Variants in EPHB6 observed in about 807,000 individuals in gnomAD.
The protein encoded by EPHB6 is EPH receptor B6, also known as ephrin type-B receptor 6.
In EPHB6, 51 loss-of-function variants were observed where a neutral mutation model predicts 107.0. The observed-to-expected ratio is 0.48, with a 90% CI of 0.38 to 0.60. The LOEUF (loss-of-function observed/expected upper bound fraction) is 0.60, where lower values mean the gene tolerates loss of function less well. Ranked by LOEUF, EPHB6 falls within the 20% of genes least tolerant of loss-of-function variation. The pLI, the probability that EPHB6 is intolerant of heterozygous loss-of-function variation, is 0.00. For missense variants in EPHB6, 1,141 were observed against 1,355.5 expected, an observed-to-expected ratio of 0.84 and a Z score of 2.48; for synonymous variants, 553 against 549.0, an observed-to-expected ratio of 1.01 and a Z score of -0.10.
Position 142,862,012 on chromosome 7 carries a change from C to G in EPHB6, c.-296-5C>G, listed in dbSNP as rs1802862034. 6.6e-6 allele frequency: 1 copy of G among 152,246 alleles called. No individual in the cohort carries two copies. The highest frequency in any genetic ancestry group is 1.5e-5 in the Non-Finnish European group (1 of 68,054). 9.4% of individuals were successfully genotyped at this position (152,246 alleles called of 1,614,324 possible). ...TTATACACAATAGAAATATCTTTCT[C>G]ACAGTCTAGATGCTGGGAAGTCCAA... On this transcript the variant is annotated splice_polypyrimidine_tract_variant and splice_region_variant and intron_variant, in intron 2 of 19. Transcript: ENST00000652003.
chr7:142,863,603 A>G, intron 5 of EPHB6, 28 bp from the exon 6 acceptor site: 1 of 1,612,494 alleles, frequency 6.2e-7, no homozygotes. Context: ...AGGCTTGGCC[A>G]CTGTGTGCCC....
In EPHB6 at chr7:142,869,155, C is replaced by T. The variant is rs770931408; in HGVS notation, c.2460+8C>T. 11 of 1,610,870 alleles carry T rather than the reference C, an allele frequency of 6.8e-6. No individual in the cohort carries two copies. In the African/African-American group the frequency reaches 1.2e-4, roughly 18 times the overall value. ...CTTGGCCACAGTCCTCAGGTGAGAG[C>T]ACAGCCTTGGGGACACAGCCTGGGG... On this transcript the variant is annotated splice_region_variant and intron_variant, in intron 16 of 19. Coordinates refer to ENST00000652003, the MANE Select transcript of EPHB6 (RefSeq NM_004445.6). This position sits in a 1 kb window ranked among gnomAD's most constrained non-coding sequence, Gnocchi z 4.5.
intron 1 of EPHB6, among the ~76,000 whole-genome samples, chr7:142,856,454 T>G (rs1802617048): frequency 6.6e-6 from 1 of 152,074 alleles, no homozygotes; most frequent in South Asian, 2.1e-4. Context: ...TGCAAAAAGA[T>G]GGTTGGCAAT....
In EPHB6 at chr7:142,869,985, A is replaced by G; in HGVS notation, c.2610+19A>G. ...GCAGGAGGTGAGCACTGACCTAGAC[A>G]CTGCTGATTTCCCACCCCGATCCCT... On this transcript the variant is annotated intron_variant, in intron 17 of 19. Coordinates refer to ENST00000652003, the MANE Select transcript of EPHB6 (RefSeq NM_004445.6). This position sits in a 1 kb window ranked among gnomAD's most constrained non-coding sequence, Gnocchi z 4.5. The G allele has an allele frequency of 6.2e-7, 1 of 1,614,062 alleles. No homozygotes were observed. The highest frequency in any genetic ancestry group is 8.5e-7 in the Non-Finnish European group (1 of 1,180,000).
At chr7:142,863,431 A>G in intron 5 of EPHB6, 104 bp downstream of exon 5, 1 of 1,275,608 alleles carries the variant, frequency 7.8e-7, no homozygotes, top group South Asian at 1.2e-5. Context: ...GAAGACATCA[A>G]TAAAGGGAAA....
chr7:142,869,153 A>C lies in EPHB6; in HGVS notation c.2460+6A>C. 1 of 1,611,916 alleles carries C rather than the reference A, an allele frequency of 6.2e-7. No individual in the cohort carries two copies. On this transcript the variant is annotated splice_donor_region_variant and intron_variant, in intron 16 of 19. Transcript: ENST00000652003. This position sits in a 1 kb window ranked among gnomAD's most constrained non-coding sequence, Gnocchi z 4.5. ...GTCTTGGCCACAGTCCTCAGGTGAG[A>C]GCACAGCCTTGGGGACACAGCCTGG...
At position 142,865,446 on chromosome 7, in the gene EPHB6, G is replaced by GAC. The variant is rs772899905; in HGVS notation, c.950-28_950-27dup. On this transcript the variant is annotated intron_variant, in intron 7 of 19. Transcript: ENST00000652003. ...CAGGGTGGGTGGACAGAGCGAGTGT[G>GAC]ACGCCCCCACTCTCCTCTGCCTCCT... 5.6e-6 allele frequency: 9 copies of GAC among 1,612,110 alleles called. No homozygotes were observed. The Admixed American group carries it at 1.5e-4, about 27-fold the overall frequency.
At chr7:142,857,669 A>G (rs747957291) in intron 1 of EPHB6, among the ~76,000 whole-genome samples, 7 of 152,070 alleles carry the variant, frequency 4.6e-5, no homozygotes, top group Non-Finnish European at 7.4e-5. Flanking sequence ...GCTTTGTCTC[A>G]CTAAATTGTT....
Position 142,869,248 on chromosome 7 carries a change from C to G in EPHB6, c.2460+101C>G. The G allele has an allele frequency of 7.4e-7, 1 of 1,356,314 alleles. No homozygotes were observed. Among genetic ancestry groups the G allele is most frequent in the Non-Finnish European group, 1.0e-6 (1 of 970,156 alleles). The allele number at this position is 1,356,314 out of a possible 1,614,324, so 84.0% of individuals were successfully genotyped here. A position where few individuals can be genotyped will look rare whatever the true frequency, so the allele number is the denominator to read the frequency against. The stretch of plus-strand genomic sequence containing the variant: ...TGGAATCTGGGGTAGGTACCTCAGC[C>G]GGGGTGTCATAGTCCCTGAAAGGAG... On this transcript the variant is annotated intron_variant, in intron 16 of 19. Coordinates refer to ENST00000652003, the MANE Select transcript of EPHB6 (RefSeq NM_004445.6). This position sits in a 1 kb window ranked among gnomAD's most constrained non-coding sequence, Gnocchi z 4.5.
rs1343293743 is a variant in EPHB6 at position 142,869,360 on chromosome 7, G to T, written c.2460+213G>T. Among the ~76,000 whole-genome samples the T allele has an allele frequency of 1.3e-5, 2 of 152,168 alleles. No individual in the cohort carries two copies. The highest frequency in any genetic ancestry group is 2.9e-5 in the Non-Finnish European group (2 of 68,012). The stretch of plus-strand genomic sequence containing the variant: ...GGACCGAGACAAAGGGGATGAGGGA[G>T]GGGAGGAGACCTGCAACAATCTAGA... On this transcript the variant is annotated intron_variant, in intron 16 of 19. Transcript: ENST00000652003. The surrounding 1 kb of genome is among the most constrained non-coding windows in gnomAD (Gnocchi z 4.5).
Position 142,864,265 on chromosome 7 carries a change from GGAC to G in EPHB6, c.466_468del (p.Asp156del). 2 of 1,613,506 alleles carry G rather than the reference GGAC, an allele frequency of 1.2e-6. No individual in the cohort carries two copies. The highest frequency in any genetic ancestry group is 1.7e-6 in the Non-Finnish European group (2 of 1,179,978). ...GGCACCTCAAACGCTGGACCAAGGT[GGAC>G]ACAATTGCAGCAGACGAGAGCTTTC... is the stretch of plus-strand genomic sequence containing the variant. On this transcript the variant is annotated inframe_deletion, in exon 7 of 20. Transcript: ENST00000652003.
rs1378078823 is a variant in EPHB6 at position 142,867,898 on chromosome 7, C to G, written c.1866-99C>G. 3 of 1,524,474 alleles carry G rather than the reference C, an allele frequency of 2.0e-6. No homozygotes were observed. The highest frequency in any genetic ancestry group is 2.7e-6 in the Non-Finnish European group (3 of 1,124,924). The allele number at this position is 1,524,474 out of a possible 1,614,324, so 94.4% of individuals were successfully genotyped here. On this transcript the variant is annotated intron_variant, in intron 12 of 19. Transcript: ENST00000652003. The surrounding 1 kb of genome is among the most constrained non-coding windows in gnomAD (Gnocchi z 5.3). ...GCAGGAGGGCCAGGCTGTCGTCCCCCCTCCACAGACCGACTAAAGAGCAGT... is the reference window on the plus strand; with the variant it reads ...GCAGGAGGGCCAGGCTGTCGTCCCCGCTCCACAGACCGACTAAAGAGCAGT...
rs760955790 is a variant in EPHB6 at position 142,867,057 on chromosome 7, C to T, written c.1739C>T (p.Thr580Ile). The change falls in exon 11 of 20, where the codon ACA becomes ATA. Residue 580 changes from threonine to isoleucine, a missense_variant. By Grantham distance (89) the Thr-to-Ile change is moderately conservative. Coordinates refer to ENST00000652003, the MANE Select transcript of EPHB6 (RefSeq NM_004445.6). This position sits in a 1 kb window ranked among gnomAD's most constrained non-coding sequence, Gnocchi z 5.3. Reference sequence around the variant, plus strand: ...TACGGGGGCAAAGTCTATTTCCAGACACTTCCTCAAGGTGAGCGGGGGTCA... The same window carrying T: ...TACGGGGGCAAAGTCTATTTCCAGATACTTCCTCAAGGTGAGCGGGGGTCA... ...GPYGGKVYFQ[T>I]LPQGELSSQL... 2 of 1,613,650 alleles carry T rather than the reference C, an allele frequency of 1.2e-6. 1 individual carries two copies. Among genetic ancestry groups the T allele is most frequent in the South Asian group, 2.2e-5 (2 of 91,078 alleles).
chr7:142,863,044 G>T, intron 4 of EPHB6, 83 bp from the exon 5 acceptor site: 1 of 605,220 alleles, frequency 1.7e-6, no homozygotes. Context: ...ACACAGACAC[G>T]GGGTCAGCTT....
Position 142,866,774 on chromosome 7 carries a change from G to A in EPHB6, c.1588-132G>A. ...GCCAGAGGCTGAATGGGCAAGGAGA[G>A]GTGCCCAGAAGTGTGCAGCACTGGG... On this transcript the variant is annotated intron_variant, in intron 10 of 19. Transcript: ENST00000652003. This position sits in a 1 kb window ranked among gnomAD's most constrained non-coding sequence, Gnocchi z 5.2. The A allele has an allele frequency of 6.4e-7, 1 of 1,568,020 alleles. No homozygotes were observed. The highest frequency in any genetic ancestry group is 8.8e-7 in the Non-Finnish European group (1 of 1,142,578).
chr7:142,857,998 T>A (rs961936333), intron 1 of EPHB6, among the ~76,000 whole-genome samples: 6 of 152,230 alleles, frequency 3.9e-5, no homozygotes, highest in Non-Finnish European at 8.8e-5. Flanking sequence ...GAAAATGGCA[T>A]GGGGAGTGAA....
rs1230386142 is a variant in EPHB6 at position 142,865,587 on chromosome 7, C to A, written c.1062C>A (p.Gly354=). The change falls in exon 8 of 20, where the codon GGC becomes GGA. Residue 354 remains glycine (G), a synonymous_variant. Coordinates refer to ENST00000652003, the MANE Select transcript of EPHB6 (RefSeq NM_004445.6). ...PAAPVCPCLE[G]FYRASSDPPE... is the part of the protein sequence containing the mutation. ...CCCCCGTTTGCCCCTGCCTGGAGGGCTTCTACCGGGCCAGTTCCGACCCAC... is the reference window on the plus strand; with the variant it reads ...CCCCCGTTTGCCCCTGCCTGGAGGGATTCTACCGGGCCAGTTCCGACCCAC... 6.2e-7 allele frequency: 1 copy of A among 1,613,668 alleles called. No homozygotes were observed. The highest frequency in any genetic ancestry group is 8.5e-7 in the Non-Finnish European group (1 of 1,180,012).
At chr7:142,856,273 AG>A (rs1190439028) in intron 1 of EPHB6, among the ~76,000 whole-genome samples, 1 of 152,182 alleles carries the variant, frequency 6.6e-6, no homozygotes, top group East Asian at 1.9e-4. Flanking sequence ...AAGCTGCCCA[AG>A]TAAGGGGCAT....
chr7:142,862,998 G>A lies in EPHB6; in HGVS notation c.-101-129G>A, dbSNP rs1320305299. On this transcript the variant is annotated intron_variant, in intron 4 of 19. Transcript: ENST00000652003. ...TATGCAACCTGGCTTCTGTCCCATG[G>A]TGGGTGCTGGGGCGATTGGAGAGCT... 4 of 572,316 alleles carry A rather than the reference G, an allele frequency of 7.0e-6. No individual in the cohort carries two copies. In the Admixed American group the frequency reaches 1.2e-4, roughly 17 times the overall value. The allele number at this position is 572,316 out of a possible 1,614,324, so 35.5% of individuals were successfully genotyped here. A position where few individuals can be genotyped will look rare whatever the true frequency, so the allele number is the denominator to read the frequency against.
Sources: gnomAD v4.1 joint callset for allele counts (sites outside exome capture counted in the v4.1 genomes callset) on GRCh38, gnomAD v4.1.1 for gene constraint, Gnocchi (gnomAD v3.1) non-coding constraint, MANE v1.5 for transcripts, NCBI Gene and HGNC (gene_info 2026-07-23, HGNC 2026-07-21) for gene names.